Variants in ZSWIM5 observed in about 807,000 individuals in gnomAD.
The protein encoded by ZSWIM5 is zinc finger SWIM-type containing 5, also known as zinc finger SWIM domain-containing protein 5.
A neutral mutation model predicts 119.6 loss-of-function variants in ZSWIM5; 55 were observed. That is an observed-to-expected ratio of 0.46 (90% confidence interval 0.37 to 0.58). ZSWIM5 has a LOEUF of 0.58. ZSWIM5 is among the 20% of genes least tolerant of loss of function. The pLI is 0.00. For missense variants in ZSWIM5, 1,193 were observed against 1,512.8 expected (o/e 0.79, Z 3.51); for synonymous variants, 537 against 606.9 (o/e 0.88, Z 1.69).
At position 45,019,305 on chromosome 1, in the gene ZSWIM5, G is replaced by A. The variant is rs369814601; in HGVS notation, c.2707C>T (p.Leu903=). ...TCATEVGVRA[L]VSILQSWYTL... ...TACCAGCTCTGCAAGATGCTCACCAGGGCCCGCACACCTGTCAGGGGGAGC... is the reference window on the plus strand; with the variant it reads ...TACCAGCTCTGCAAGATGCTCACCAAGGCCCGCACACCTGTCAGGGGGAGC... Residue 903 remains leucine (L), a synonymous_variant, in exon 14 of 14, where the codon CTG becomes TTG. Transcript: ENST00000359600. The surrounding 1 kb of genome is among the most constrained non-coding windows in gnomAD (Gnocchi z 5.0). 7 of 1,609,956 alleles carry A rather than the reference G, an allele frequency of 4.3e-6. No individual in the cohort carries two copies. The highest frequency in any genetic ancestry group is 5.9e-6 in the Non-Finnish European group (7 of 1,178,980).
Position 45,087,987 on chromosome 1 carries a change from C to G in ZSWIM5, c.846G>C (p.Lys282Asn). The G allele has an allele frequency of 6.2e-7, 1 of 1,614,164 alleles. No homozygotes were observed. ...GTGCCGTGATTAAATATTGAATAAACTTTTGTAGCTGGTCCCTATTCATCT... is the reference window on the plus strand; with the variant it reads ...GTGCCGTGATTAAATATTGAATAAAGTTTTGTAGCTGGTCCCTATTCATCT... ...LFQMNRDQLQ[K>N]FIQYLITAHH... is the part of the protein sequence containing the mutation. Residue 282 changes from lysine (K) to asparagine (N), a missense_variant, in exon 2 of 14, where the codon AAG (lysine) becomes AAC (asparagine). Coordinates refer to ENST00000359600, the MANE Select transcript of ZSWIM5 (RefSeq NM_020883.2).
intron 1 of ZSWIM5, among the ~76,000 whole-genome samples, chr1:45,138,060 A>G (rs565570095): frequency 6.6e-6 from 1 of 152,292 alleles, no homozygotes; most frequent in African/African-American, 2.4e-5. Context: ...ATTTCTATGA[A>G]ACTGCCTAAA....
intron 1 of ZSWIM5, among the ~76,000 whole-genome samples, chr1:45,107,804 T>G (rs1645491340): frequency 6.6e-6 from 1 of 152,094 alleles, no homozygotes; most frequent in African/African-American, 2.4e-5. Context: ...CTTTTCTTAT[T>G]TTTTTGAGAC....
intron 2 of ZSWIM5, among the ~76,000 whole-genome samples, chr1:45,076,263 A>T (rs1451864873): frequency 1.3e-5 from 2 of 152,028 alleles, no homozygotes; most frequent in East Asian, 3.9e-4. Context: ...TTTTATACTG[A>T]TAGAAGTACT....
intron 1 of ZSWIM5, among the ~76,000 whole-genome samples, chr1:45,147,579 A>T (rs2149036603): frequency 7.8e-6 from 1 of 128,866 alleles, no homozygotes; most frequent in East Asian, 2.0e-4. Flanking sequence ...AGTGGTTTAC[A>T]CATGCAAAAA....
rs769033780 is a variant in ZSWIM5 at position 45,040,534 on chromosome 1, A to G, written c.1614T>C (p.His538=). The change falls in exon 7 of 14, where the codon CAT becomes CAC. Residue 538 remains histidine, a synonymous_variant. Transcript: ENST00000359600. Reference sequence around the variant, plus strand: ...CAACTCGAGCACAGGCTGTAGGCACATGCTCTACCAAGTAAGAAGAAGATA... The same window carrying G: ...CAACTCGAGCACAGGCTGTAGGCACGTGCTCTACCAAGTAAGAAGAAGATA... The part of the protein sequence containing the change: ...NSQGQPLWLE[H]VPTACARVDA... 6.9e-6 allele frequency: 11 copies of G among 1,584,146 alleles called. No homozygotes were observed. The Admixed American group carries it at 1.9e-4, about 28-fold the overall frequency.
At chr1:45,035,573 C>A in intron 10 of ZSWIM5, 115 bp downstream of exon 10, 1 of 1,321,376 alleles carries the variant, frequency 7.6e-7, no homozygotes. Context: ...CACTTGGTAG[C>A]GGGTCCAACA....
In ZSWIM5 at chr1:45,097,334, A is replaced by G. The variant is rs138058295; in HGVS notation, c.596-9097T>C. Reference sequence around the variant, plus strand: ...ACAAATTTCCCCTCTCCAAATAAGGAAATTCTATGTTCTTCATGGCTTAGC... The same window carrying G: ...ACAAATTTCCCCTCTCCAAATAAGGGAATTCTATGTTCTTCATGGCTTAGC... On this transcript the variant is annotated intron_variant, in intron 1 of 13. Transcript: ENST00000359600. Among the ~76,000 whole-genome samples the G allele has an allele frequency of 5.4e-3, 819 of 152,316 alleles. 7 individuals are homozygous for G. The highest frequency in any genetic ancestry group is 9.5e-3 in the Non-Finnish European group (648 of 68,026).
At chr1:45,067,909 T>A (rs1481871834) in intron 2 of ZSWIM5, among the ~76,000 whole-genome samples, 1 of 152,100 alleles carries the variant, frequency 6.6e-6, no homozygotes, top group Non-Finnish European at 1.5e-5. Context: ...TAGTCTGAAT[T>A]TTTTCCTAAG....
intron 1 of ZSWIM5, among the ~76,000 whole-genome samples, chr1:45,205,103 C>T (rs1243432347): frequency 1.3e-5 from 2 of 151,844 alleles, no homozygotes; most frequent in Non-Finnish European, 1.5e-5. Flanking sequence ...AGAGACCCCA[C>T]CCCCACTCCA....
At chr1:45,042,842 A>T (rs886886506) in intron 6 of ZSWIM5, among the ~76,000 whole-genome samples, 5 of 152,304 alleles carry the variant, frequency 3.3e-5, no homozygotes, top group African/African-American at 4.8e-5. Flanking sequence ...AGGAGATTTT[A>T]AAAAATTCAA....
At chr1:45,070,498 T>A in intron 2 of ZSWIM5, 1 of 799,830 alleles carries the variant, frequency 1.3e-6, no homozygotes, top group Admixed American at 3.0e-5. Context: ...GTTTTAAAAT[T>A]TTCTGCCATC....
intron 1 of ZSWIM5, among the ~76,000 whole-genome samples, chr1:45,105,550 T>C (rs1457961890): frequency 7.0e-6 from 1 of 142,716 alleles, no homozygotes; most frequent in East Asian, 2.3e-4. Flanking sequence ...GGAGCGCCTC[T>C]GCCCGGCTGC....
Position 45,040,441 on chromosome 1 carries a change from C to T in ZSWIM5, c.1707G>A (p.Leu569=), listed in dbSNP as rs767393499. Residue 569 remains leucine, a synonymous_variant, in exon 7 of 14, where the codon CTG becomes CTA. Transcript: ENST00000359600. ...CCAGTTGCCGCTGCTGCTGCAACCT[C>T]AGAGTATTAATAATGGCCACTGTGA... ...LRLTVAIINT[L]RLQQQRQLEI... 1.9e-5 allele frequency: 31 copies of T among 1,611,396 alleles called. No individual in the cohort carries two copies. Among genetic ancestry groups the T allele is most frequent in the Non-Finnish European group, 2.5e-5 (30 of 1,178,910 alleles).
chr1:45,086,923 AC>A (rs1174840847), intron 2 of ZSWIM5, among the ~76,000 whole-genome samples: 1 of 133,366 alleles, frequency 7.5e-6, no homozygotes, highest in Non-Finnish European at 1.5e-5. Flanking sequence ...TTGCTCTGTC[AC>A]CCAGGCTGGA....
At chr1:45,167,852 AG>A (rs1192292882) in intron 1 of ZSWIM5, among the ~76,000 whole-genome samples, 1 of 152,176 alleles carries the variant, frequency 6.6e-6, no homozygotes, top group African/African-American at 2.4e-5. Flanking sequence ...GTGGAGAAAC[AG>A]GAACACTTTT....
intron 5 of ZSWIM5, among the ~76,000 whole-genome samples, chr1:45,049,728 T>C (rs531747553): frequency 6.6e-6 from 1 of 152,150 alleles, no homozygotes; most frequent in Non-Finnish European, 1.5e-5. Context: ...GCAGCAGAAT[T>C]GCTTGAACCT....
At chr1:45,187,192 C>G (rs1223065393) in intron 1 of ZSWIM5, among the ~76,000 whole-genome samples, 1 of 151,984 alleles carries the variant, frequency 6.6e-6, no homozygotes, top group East Asian at 1.9e-4. Context: ...TCACACTTTG[C>G]AATTTCAAAA....
chr1:45,026,180 G>A (rs1644919152), intron 11 of ZSWIM5, among the ~76,000 whole-genome samples: 1 of 152,058 alleles, frequency 6.6e-6, no homozygotes, highest in East Asian at 1.9e-4. Flanking sequence ...AACTATAGGA[G>A]TGTGCCCACC....
Sources: allele counts gnomAD v4.1 joint callset (sites outside exome capture counted in the v4.1 genomes callset), GRCh38; gene constraint gnomAD v4.1.1; non-coding constraint Gnocchi (gnomAD v3.1); transcripts MANE v1.5; gene names NCBI Gene and HGNC (gene_info 2026-07-23, HGNC 2026-07-21).